Variants in RANBP17 observed in about 807,000 individuals in gnomAD.
RANBP17 encodes the protein RAN binding protein 17, also known as ran-binding protein 17.
In RANBP17, 158 loss-of-function variants were observed where a neutral mutation model predicts 141.2. That is an observed-to-expected ratio of 1.12 (90% CI 0.98 to 1.28). RANBP17 has a LOEUF of 1.28. RANBP17 is among the 50% of genes most tolerant of loss of function. The pLI is 0.00. For synonymous variants in RANBP17, 430 were observed against 450.0 expected, an observed-to-expected ratio of 0.96 and a Z score of 0.56; for missense variants, 1,438 against 1,290.7, an observed-to-expected ratio of 1.11 and a Z score of -1.75.
At position 171,120,258 on chromosome 5, in the gene RANBP17, A is replaced by G. The variant is rs568456901; in HGVS notation, c.1711-49872A>G. Among the ~76,000 whole-genome samples, 19 of 152,318 alleles carry G rather than the reference A, an allele frequency of 1.2e-4. No individual in the cohort carries two copies. The South Asian group carries it at 3.7e-3, about 30-fold the overall frequency. On this transcript the variant is annotated intron_variant, in intron 14 of 27. Transcript: ENST00000523189. ...ACCACCACTGGAACTGCTCTGGGTC[A>G]GACTTGAAGCCAGCACAGCATTGTG...
chr5:171,075,355 T>C (rs1450331456), intron 14 of RANBP17, among the ~76,000 whole-genome samples: 1 of 152,150 alleles, frequency 6.6e-6, no homozygotes, highest in East Asian at 1.9e-4. Context: ...GTGTGCCAAC[T>C]TGATTAAAGA....
chr5:171,014,315 T>C (rs1200657881), intron 14 of RANBP17, among the ~76,000 whole-genome samples: 1 of 152,046 alleles, frequency 6.6e-6, no homozygotes, highest in Admixed American at 6.6e-5. Context: ...ATAGACCATT[T>C]ACATGTACTG....
At chr5:170,862,580 C>T (rs1198037549) in intron 1 of RANBP17, among the ~76,000 whole-genome samples, 1 of 152,082 alleles carries the variant, frequency 6.6e-6, no homozygotes, top group Non-Finnish European at 1.5e-5. Context: ...CTTTAATTGG[C>T]CAGAGGAGAC....
chr5:171,252,180 G>C, intron 24 of RANBP17: 1 of 1,580,668 alleles, frequency 6.3e-7, no homozygotes, highest in Non-Finnish European at 8.7e-7. Flanking sequence ...CATGCAACAA[G>C]ATCCCCCATG....
intron 12 of RANBP17, among the ~76,000 whole-genome samples, chr5:170,926,334 C>T (rs1561897887): frequency 6.6e-6 from 1 of 152,036 alleles, no homozygotes; most frequent in Admixed American, 6.6e-5. Context: ...ATTATTATAC[C>T]TGCATTTTTG....
Position 170,878,115 on chromosome 5 carries a change from G to A in RANBP17, c.37G>A (p.Val13Met), listed in dbSNP as rs200126341. 45 of 1,563,238 alleles carry A rather than the reference G, an allele frequency of 2.9e-5. No individual in the cohort carries two copies. In the East Asian group the frequency reaches 6.4e-4, roughly 22 times the overall value. Residue 13 changes from valine (V) to methionine (M), a missense_variant, in exon 2 of 28, where the codon GTG (valine) becomes ATG (methionine). Coordinates refer to ENST00000523189, the MANE Select transcript of RANBP17 (RefSeq NM_022897.5). ...LHFQSLAELEVLCTHLYIGTD... is the reference protein window; with the variant it reads ...LHFQSLAELEMLCTHLYIGTD... Reference sequence around the variant, plus strand: ...TTTGAAGAGTTTGGCTGAATTGGAAGTGTTATGTACTCATCTCTACATAGG... The same window carrying A: ...TTTGAAGAGTTTGGCTGAATTGGAAATGTTATGTACTCATCTCTACATAGG...
chr5:171,077,404 C>G (rs1424976652), intron 14 of RANBP17, among the ~76,000 whole-genome samples: 1 of 151,548 alleles, frequency 6.6e-6, no homozygotes, highest in South Asian at 2.1e-4. Context: ...AAAAGGCAAG[C>G]CTGAAGTCTC....
At chr5:171,077,672 TTC>T (rs895134996) in intron 14 of RANBP17, among the ~76,000 whole-genome samples, 1 of 152,252 alleles carries the variant, frequency 6.6e-6, no homozygotes, top group African/African-American at 2.4e-5. Context: ...TAATACACAT[TTC>T]TCTCTGCATT....
chr5:170,889,499 G>A (rs1297800250), intron 3 of RANBP17, among the ~76,000 whole-genome samples: 1 of 152,112 alleles, frequency 6.6e-6, no homozygotes, highest in Non-Finnish European at 1.5e-5. Flanking sequence ...ACCTGATTCA[G>A]AGTCCCAGTC....
At chr5:171,019,632 A>T (rs145785808) in intron 14 of RANBP17, among the ~76,000 whole-genome samples, 2 of 151,640 alleles carry the variant, frequency 1.3e-5, no homozygotes, top group Non-Finnish European at 2.9e-5. Flanking sequence ...TATTGTGTCT[A>T]TTTGATTCTT....
intron 14 of RANBP17, among the ~76,000 whole-genome samples, chr5:171,022,869 A>G (rs1780972435): frequency 6.6e-6 from 1 of 152,156 alleles, no homozygotes; most frequent in South Asian, 2.1e-4. Context: ...GGCGGTTGAC[A>G]ATCTGTAGGG....
At chr5:170,885,613 G>A (rs1228482035) in intron 3 of RANBP17, among the ~76,000 whole-genome samples, 1 of 152,054 alleles carries the variant, frequency 6.6e-6, no homozygotes, top group Non-Finnish European at 1.5e-5. Flanking sequence ...TGACTGACTT[G>A]GGAACAATTC....
intron 1 of RANBP17, among the ~76,000 whole-genome samples, chr5:170,875,147 A>C (rs758238218): frequency 1.3e-5 from 2 of 152,180 alleles, no homozygotes; most frequent in Non-Finnish European, 2.9e-5. Flanking sequence ...AGAATGTTGA[A>C]TATTGGCCCC....
intron 14 of RANBP17, among the ~76,000 whole-genome samples, chr5:171,165,642 T>C (rs2127867685): frequency 6.6e-6 from 1 of 152,342 alleles, no homozygotes; most frequent in African/African-American, 2.4e-5. Context: ...GACAGTGTTC[T>C]AAGACAATAT....
chr5:171,173,990 T>C (rs1241947541), intron 16 of RANBP17, among the ~76,000 whole-genome samples: 2 of 152,184 alleles, frequency 1.3e-5, no homozygotes, highest in African/African-American at 4.8e-5. Context: ...GTCTAGTTCC[T>C]AAATAATGAT....
At chr5:171,099,974 G>A (rs898236047) in intron 14 of RANBP17, among the ~76,000 whole-genome samples, 1 of 152,190 alleles carries the variant, frequency 6.6e-6, no homozygotes, top group African/African-American at 2.4e-5. Context: ...TGGTAGATAA[G>A]CTTTTTAATG....
intron 7 of RANBP17, among the ~76,000 whole-genome samples, chr5:170,912,240 C>T (rs1771587096): frequency 6.7e-6 from 1 of 150,306 alleles, no homozygotes; most frequent in Non-Finnish European, 1.5e-5. Context: ...ACTGAAAACA[C>T]ACATCTACAC....
chr5:171,189,989 G>C (rs1266127610), intron 18 of RANBP17, among the ~76,000 whole-genome samples: 1 of 151,150 alleles, frequency 6.6e-6, no homozygotes, highest in Non-Finnish European at 1.5e-5. Flanking sequence ...AAAAAAAAAA[G>C]ACAAACTTTT....
At chr5:171,090,974 C>G (rs1439976343) in intron 14 of RANBP17, among the ~76,000 whole-genome samples, 1 of 152,224 alleles carries the variant, frequency 6.6e-6, no homozygotes, top group Non-Finnish European at 1.5e-5. Flanking sequence ...TAGGGCAGTG[C>G]AGAAGGGAAA....
Sources: gnomAD v4.1 joint callset for allele counts (sites outside exome capture counted in the v4.1 genomes callset) on GRCh38, gnomAD v4.1.1 for gene constraint, MANE v1.5 for transcripts, NCBI Gene and HGNC (gene_info 2026-07-23, HGNC 2026-07-21) for gene names.